Variants in ABCA10 observed in about 807,000 individuals in gnomAD.
ABCA10 encodes ATP binding cassette subfamily A member 10, also known as ATP-binding cassette sub-family A member 10.
A neutral mutation model predicts 187.5 loss-of-function variants in ABCA10; 169 were observed. The ratio of observed to expected loss-of-function variants is 0.90; its 90% CI spans 0.80 to 1.02. The LOEUF (loss-of-function observed/expected upper bound fraction) is 1.02, where lower values mean the gene tolerates loss of function less well. Among genes scored for constraint, ABCA10 ranks in the 50% least tolerant of loss-of-function variants. The probability of loss-of-function intolerance (pLI) is 0.00; values close to 1 mark genes in which losing one functional copy is unlikely to be tolerated. For missense variants in ABCA10, 1,727 were observed against 1,812.4 expected (o/e 0.95, Z 0.86); for synonymous variants, 574 against 601.8 (o/e 0.95, Z 0.68).
chr17:69,202,687 A>G (rs184525846), intron 9 of ABCA10, among the ~76,000 whole-genome samples: 1 of 152,314 alleles, frequency 6.6e-6, no homozygotes, highest in African/African-American at 2.4e-5. Flanking sequence ...GGAATTATAC[A>G]GGGATCTTTA....
chr17:69,209,679 TAC>T (rs1227783022), intron 9 of ABCA10, among the ~76,000 whole-genome samples: 1 of 151,136 alleles, frequency 6.6e-6, no homozygotes, highest in East Asian at 1.9e-4. Flanking sequence ...GCTAAATAAG[TAC>T]AGTCACGTGT....
chr17:69,175,015 T>C (rs573406630), intron 23 of ABCA10, among the ~76,000 whole-genome samples: 23 of 152,284 alleles, frequency 1.5e-4, no homozygotes, highest in African/African-American at 5.5e-4. Context: ...TGAAGATGAC[T>C]ACACTATATA....
chr17:69,150,801 ACTACCAT>A (rs2074121758), intron 36 of ABCA10, among the ~76,000 whole-genome samples: 2 of 152,124 alleles, frequency 1.3e-5, no homozygotes, highest in Non-Finnish European at 2.9e-5. Flanking sequence ...ATGTGTAGTG[ACTACCAT>A]CCTGGACAGC....
intron 20 of ABCA10, among the ~76,000 whole-genome samples, chr17:69,185,141 A>T (rs2074411477): frequency 6.6e-6 from 1 of 152,020 alleles, no homozygotes; most frequent in South Asian, 2.1e-4. Context: ...GATTTTGAGG[A>T]CTTGGGAAAG....
chr17:69,179,570 A>T (rs940919774), intron 22 of ABCA10, among the ~76,000 whole-genome samples: 3 of 152,182 alleles, frequency 2.0e-5, no homozygotes, highest in African/African-American at 7.2e-5. Context: ...AAGGATTAAC[A>T]TAACATTCCC....
chr17:69,229,384 T>C (rs560900879), upstream of ABCA10, among the ~76,000 whole-genome samples: 61 of 152,202 alleles, frequency 4.0e-4, no homozygotes, highest in South Asian at 2.3e-3. Flanking sequence ...GACAATGATA[T>C]CTGATACCCA....
intron 27 of ABCA10, 35 bp downstream of exon 27, chr17:69,164,039 G>T: frequency 6.8e-7 from 1 of 1,461,346 alleles, no homozygotes; most frequent in Non-Finnish European, 9.2e-7. Context: ...TGAATCTTAT[G>T]CAATATATAT....
At chr17:69,211,351 A>G (rs12946288) in intron 9 of ABCA10, among the ~76,000 whole-genome samples, 404 of 19,576 alleles carry the variant, frequency 0.021, 14 homozygotes, top group African/African-American at 0.065. Context: ...ATATATATAT[A>G]TATATATATA....
intron 20 of ABCA10, among the ~76,000 whole-genome samples, chr17:69,185,138 A>C (rs2074411447): frequency 6.6e-6 from 1 of 152,048 alleles, no homozygotes; most frequent in African/African-American, 2.4e-5. Context: ...ATGGATTTTG[A>C]GGACTTGGGA....
At chr17:69,163,970 G>A (rs2074237190) in intron 27 of ABCA10, 104 bp downstream of exon 27, 2 of 769,520 alleles carry the variant, frequency 2.6e-6, no homozygotes, top group African/African-American at 1.8e-5. Flanking sequence ...AATACAGAAA[G>A]AGTGGGTATT....
chr17:69,243,691 A>G (rs577993834), intron 1 of ABCA10, among the ~76,000 whole-genome samples: 1 of 152,308 alleles, frequency 6.6e-6, no homozygotes, highest in Non-Finnish European at 1.5e-5. Context: ...TAAGCCCAGG[A>G]GTTTGAGACC....
intron 16 of ABCA10, among the ~76,000 whole-genome samples, chr17:69,191,659 G>GTA (rs2074461117): frequency 6.6e-6 from 1 of 151,660 alleles, no homozygotes; most frequent in Admixed American, 6.6e-5. Context: ...GTTATTTTAT[G>GTA]TGTGTGTATA....
intron 1 of ABCA10, among the ~76,000 whole-genome samples, chr17:69,243,820 C>T (rs778031630): frequency 9.2e-5 from 14 of 152,146 alleles, no homozygotes; most frequent in Admixed American, 2.0e-4. Flanking sequence ...ATCACCTGAG[C>T]CTGGGAGCTT....
At position 69,190,348 on chromosome 17, in the gene ABCA10, AT is replaced by A; in HGVS notation, c.2131+9del. On this transcript the variant is annotated intron_variant, in intron 18 of 38. Transcript: ENST00000690296. ...TTTCTTAATTTTCTGCTAGACACAC[AT>A]TTTTATACCTGGTTCATCAATTGCT... 1 of 1,534,768 alleles carries A rather than the reference AT, an allele frequency of 6.5e-7. No homozygotes were observed. The highest frequency in any genetic ancestry group is 8.7e-7 in the Non-Finnish European group (1 of 1,152,108).
Position 69,153,507 on chromosome 17 carries a change from A to G in ABCA10, c.4005T>C (p.Ala1335=), listed in dbSNP as rs1405025256. ...TTCCCTCTGATAGAGTTTTCACAGG[A>G]GCCTTAAGTTGTTCCTGGAGCTTAA... ...EALKLQEQLK[A]PVKTLSEGIK... The change falls in exon 33 of 39, where the codon GCT becomes GCC. Residue 1335 remains alanine, a synonymous_variant. Transcript: ENST00000690296. 4 of 1,614,046 alleles carry G rather than the reference A, an allele frequency of 2.5e-6. No homozygotes were observed. Among genetic ancestry groups the G allele is most frequent in the Non-Finnish European group, 3.4e-6 (4 of 1,180,016 alleles).
chr17:69,202,603 GTCT>G (rs1408760242), intron 9 of ABCA10, among the ~76,000 whole-genome samples: 1 of 152,038 alleles, frequency 6.6e-6, no homozygotes, highest in Non-Finnish European at 1.5e-5. Context: ...TCTGCCACAA[GTCT>G]TCTCATGTTT....
intron 3 of ABCA10, chr17:69,223,594 TGAAAAAGCTG>T: frequency 2.6e-6 from 1 of 389,780 alleles, no homozygotes. Flanking sequence ...TACATTAAGA[TGAAAAAGCTG>T]TTTATTTTAT....
chr17:69,165,164 C>A, intron 25 of ABCA10, 81 bp from the exon 26 acceptor site: 1 of 1,192,414 alleles, frequency 8.4e-7, no homozygotes, highest in Non-Finnish European at 1.2e-6. Flanking sequence ...AACCTGTTTT[C>A]CTGGGAGATA....
chr17:69,233,650 C>T (rs1023780365), upstream of ABCA10: 5 of 152,146 alleles, frequency 3.3e-5, no homozygotes, highest in African/African-American at 9.7e-5. Context: ...TGCACATTGA[C>T]GGATTAGGCA....
Sources: allele counts gnomAD v4.1 joint callset (sites outside exome capture counted in the v4.1 genomes callset), GRCh38; gene constraint gnomAD v4.1.1; transcripts MANE v1.5; gene names NCBI Gene and HGNC (gene_info 2026-07-23, HGNC 2026-07-21).